The following WWC1 variants were observed in gnomAD, a reference collection of about 807,000 sequenced individuals.
WWC1 encodes WW and C2 domain containing 1, also known as protein KIBRA.
A neutral mutation model predicts 138.4 loss-of-function variants in WWC1; 55 were observed. The ratio of observed to expected loss-of-function variants is 0.40; its 90% CI spans 0.32 to 0.50. The LOEUF is 0.50. WWC1 is among the 20% of genes least tolerant of loss of function. WWC1 has a pLI of 0.72. For missense variants in WWC1, 1,226 were observed against 1,420.4 expected (o/e 0.86, Z 2.20); for synonymous variants, 524 against 564.9 (o/e 0.93, Z 1.03).
At chr5:168,361,864 A>G (rs896159876) in intron 1 of WWC1, among the ~76,000 whole-genome samples, 3 of 152,090 alleles carry the variant, frequency 2.0e-5, no homozygotes, top group African/African-American at 4.8e-5. Context: ...GGTGGATCAC[A>G]TGAGGTCAGG....
intron 1 of WWC1, among the ~76,000 whole-genome samples, chr5:168,300,328 T>G (rs1430402520): frequency 6.6e-6 from 1 of 151,802 alleles, no homozygotes; most frequent in African/African-American, 2.4e-5. Context: ...TTCACTGTTG[T>G]GTGCGGAGAA....
At chr5:168,431,192 A>C in intron 14 of WWC1, 60 bp from the exon 15 acceptor site, 2 of 1,487,916 alleles carry the variant, frequency 1.3e-6, no homozygotes, top group South Asian at 2.6e-5. Flanking sequence ...TGTTTAGTCC[A>C]ACATTTTAGC....
intron 1 of WWC1, among the ~76,000 whole-genome samples, chr5:168,369,009 G>A (rs564105973): frequency 2.6e-5 from 4 of 152,292 alleles, no homozygotes; most frequent in South Asian, 2.1e-4. Flanking sequence ...GTGTTTTCCC[G>A]TGGGGCTTAG....
In WWC1 at chr5:168,350,953, C is replaced by G. The variant is rs377456611; in HGVS notation, c.120-20471C>G. ...TTGAGGTCAGGAGTTCAAGACCATC[C>G]TGGCCAACATGGTGAAACCCTGTCT... On this transcript the variant is annotated intron_variant, in intron 1 of 22. Coordinates refer to ENST00000265293, the MANE Select transcript of WWC1 (RefSeq NM_015238.3). 3.9e-5 allele frequency among the ~76,000 whole-genome samples: 6 copies of G among 152,194 alleles called. No homozygotes were observed. In the East Asian group the frequency reaches 9.7e-4, roughly 25 times the overall value.
chr5:168,362,962 A>C (rs1191396187), intron 1 of WWC1, among the ~76,000 whole-genome samples: 1 of 152,142 alleles, frequency 6.6e-6, no homozygotes, highest in Non-Finnish European at 1.5e-5. Flanking sequence ...TTTTCTATAA[A>C]AGAATTTTAG....
At chr5:168,304,896 G>C (rs1439723058) in intron 1 of WWC1, among the ~76,000 whole-genome samples, 2 of 151,124 alleles carry the variant, frequency 1.3e-5, no homozygotes, top group Non-Finnish European at 2.9e-5. Flanking sequence ...TGCGACTTCA[G>C]TTCACCGCAA....
At chr5:168,314,498 C>T (rs1261671368) in intron 1 of WWC1, among the ~76,000 whole-genome samples, 2 of 151,790 alleles carry the variant, frequency 1.3e-5, no homozygotes, top group Non-Finnish European at 2.9e-5. Flanking sequence ...ACCCAGGAGG[C>T]GGAGGTTGCA....
chr5:168,413,524 G>A (rs1780375208), intron 8 of WWC1, among the ~76,000 whole-genome samples: 1 of 152,186 alleles, frequency 6.6e-6, no homozygotes, highest in African/African-American at 2.4e-5. Flanking sequence ...TAAGGGATGA[G>A]GCTGCCAGCT....
In WWC1 at chr5:168,292,319, C is replaced by A; in HGVS notation, c.119+48C>A. 1 of 1,537,402 alleles carries A rather than the reference C, an allele frequency of 6.5e-7. No individual in the cohort carries two copies. Among genetic ancestry groups the A allele is most frequent in the East Asian group, 2.5e-5 (1 of 39,820 alleles). ...CGTGCCCCCACACCCCCGCCTGGGC[C>A]CCCACCTGCCCCTGGAGCCGCCGGC... On this transcript the variant is annotated intron_variant, in intron 1 of 22. Transcript: ENST00000265293. This position sits in a 1 kb window ranked among gnomAD's most constrained non-coding sequence, Gnocchi z 4.4.
intron 14 of WWC1, 37 bp downstream of exon 14, chr5:168,430,260 A>G: frequency 6.3e-7 from 1 of 1,577,236 alleles, no homozygotes; most frequent in Non-Finnish European, 8.7e-7. Flanking sequence ...TTCATACCCT[A>G]ACCCTCTGGA....
chr5:168,406,357 A>G, intron 6 of WWC1, 30 bp downstream of exon 6: 2 of 1,611,780 alleles, frequency 1.2e-6, no homozygotes, highest in Admixed American at 1.7e-5. Context: ...TGTGGGTGCC[A>G]TCTTGATTTC....
intron 19 of WWC1, among the ~76,000 whole-genome samples, chr5:168,459,193 G>A (rs1053367767): frequency 2.7e-5 from 4 of 149,500 alleles, no homozygotes; most frequent in Non-Finnish European, 3.0e-5. Flanking sequence ...AGTCAAGGCT[G>A]CAGTGAGACG....
At chr5:168,346,661 T>C (rs1234369972) in intron 1 of WWC1, among the ~76,000 whole-genome samples, 2 of 152,218 alleles carry the variant, frequency 1.3e-5, no homozygotes. Context: ...GAGAAACCTG[T>C]ATGACTAGTT....
rs760218601 is a variant in WWC1 at position 168,424,011 on chromosome 5, G to A, written c.1753G>A (p.Ala585Thr). ...TTGTGAACTGAGCCTTGGTAACAGC[G>A]CCCAGGAAAGATACCGGCTGGAGGA... is the stretch of plus-strand genomic sequence containing the variant. ...TLCELSLGNS[A>T]QERYRLEEPG... The change falls in exon 11 of 23, where the codon GCC (alanine) becomes ACC (threonine). Residue 585 changes from alanine to threonine, a missense_variant. Physicochemically the swap from Ala to Thr is moderately conservative, Grantham distance 58. This residue lies in a region of WWC1 where 1,016 missense variants were observed against 1,153.9 expected (regional missense o/e 0.88). Transcript: ENST00000265293. 12 of 1,613,430 alleles carry A rather than the reference G, an allele frequency of 7.4e-6. No individual in the cohort carries two copies. The Admixed American group carries it at 1.2e-4, about 16-fold the overall frequency.
chr5:168,384,520 A>G (rs535372988), intron 2 of WWC1, among the ~76,000 whole-genome samples: 1 of 152,248 alleles, frequency 6.6e-6, no homozygotes, highest in South Asian at 2.1e-4. Context: ...CCAGCTGGCT[A>G]TAGGGTACCT....
chr5:168,460,834 C>A, intron 20 of WWC1, 92 bp downstream of exon 20: 2 of 1,316,798 alleles, frequency 1.5e-6, no homozygotes, highest in South Asian at 1.2e-5. Flanking sequence ...TAATGTCTGG[C>A]CATTTCTCCT....
intron 1 of WWC1, among the ~76,000 whole-genome samples, chr5:168,347,686 A>T (rs953039142): frequency 1.4e-4 from 22 of 152,044 alleles, no homozygotes; most frequent in African/African-American, 5.3e-4. Context: ...AATCTATGTG[A>T]TGATCTATTT....
chr5:168,440,074 T>C (rs1754612212), intron 15 of WWC1, among the ~76,000 whole-genome samples: 1 of 152,142 alleles, frequency 6.6e-6, no homozygotes. Flanking sequence ...CAGAACCTAG[T>C]GCTTAATATA....
At chr5:168,384,438 G>T (rs748861130) in intron 2 of WWC1, among the ~76,000 whole-genome samples, 1 of 152,218 alleles carries the variant, frequency 6.6e-6, no homozygotes, top group African/African-American at 2.4e-5. Flanking sequence ...TGGTCAAAGG[G>T]TATTAACATT....
Sources: allele counts gnomAD v4.1 joint callset (sites outside exome capture counted in the v4.1 genomes callset), GRCh38; gene constraint gnomAD v4.1.1; regional missense constraint gnomAD v4.1.1; non-coding constraint Gnocchi (gnomAD v3.1); transcripts MANE v1.5; gene names NCBI Gene and HGNC (gene_info 2026-07-23, HGNC 2026-07-21).